Variants in CPT2 observed in about 807,000 individuals in gnomAD.
The protein encoded by CPT2 is carnitine palmitoyltransferase 2, also known as carnitine O-palmitoyltransferase 2, mitochondrial.
A neutral mutation model predicts 48.6 loss-of-function variants in CPT2; 37 were observed. That is an observed-to-expected ratio of 0.76 (90% CI 0.59 to 1.00). CPT2 has a LOEUF of 1.00. CPT2 is among the 50% of genes least tolerant of loss of function. CPT2 has a pLI of 0.00. For missense variants in CPT2, 772 were observed against 825.6 expected, an observed-to-expected ratio of 0.94 and a Z score of 0.80; for synonymous variants, 319 against 326.9, an observed-to-expected ratio of 0.98 and a Z score of 0.26.
At chr1:53,203,111 A>G (rs911837419) in intron 3 of CPT2, 2 of 152,506 alleles carry the variant, frequency 1.3e-5, no homozygotes, top group African/African-American at 4.8e-5. Context: ...TCATCATCTT[A>G]TTTCCCACTT....
chr1:53,211,617 T>G, intron 4 of CPT2: 2 of 415,578 alleles, frequency 4.8e-6, no homozygotes, highest in Non-Finnish European at 8.6e-6. Context: ...TTTTTTTTTT[T>G]TGGAGACAAG....
In CPT2 at chr1:53,213,286, G is replaced by T; in HGVS notation, c.1668G>T (p.Leu556Phe). The change falls in exon 5 of 5, where the codon TTG becomes TTT. Residue 556 changes from leucine to phenylalanine, a missense_variant. Physicochemically the swap from Leu to Phe is conservative, Grantham distance 22. Transcript: ENST00000371486. ...CAGGCCAGGGCTTTGACCGACACTTGTTTGCTCTGCGGCATCTGGCAGCAG... is the reference window on the plus strand; with the variant it reads ...CAGGCCAGGGCTTTGACCGACACTTTTTTGCTCTGCGGCATCTGGCAGCAG... The part of the protein sequence containing the change: ...AAMGQGFDRH[L>F]FALRHLAAAK... The T allele has an allele frequency of 6.2e-7, 1 of 1,614,174 alleles. No homozygotes were observed. The highest frequency in any genetic ancestry group is 1.6e-4 in the Middle Eastern group (1 of 6,062).
At chr1:53,207,251 T>C (rs970330930) in intron 3 of CPT2, among the ~76,000 whole-genome samples, 5 of 152,144 alleles carry the variant, frequency 3.3e-5, no homozygotes, top group South Asian at 2.1e-4. Context: ...CAGTCTCAGG[T>C]AGTTCTTTAT....
intron 2 of CPT2, 173 bp from the exon 3 acceptor site, chr1:53,202,150 T>G (rs1645357368): frequency 3.2e-6 from 2 of 616,450 alleles, no homozygotes; most frequent in Admixed American, 5.2e-5. Flanking sequence ...GTAGTCTAGA[T>G]TATCAATTTT....
At chr1:53,202,261 T>C in intron 2 of CPT2, 62 bp from the exon 3 acceptor site, 1 of 1,366,970 alleles carries the variant, frequency 7.3e-7, no homozygotes, top group South Asian at 1.2e-5. Context: ...TTCCTCGCCA[T>C]GAACCTAAAA....
chr1:53,205,093 C>T (rs1313160644), intron 3 of CPT2, among the ~76,000 whole-genome samples: 1 of 152,144 alleles, frequency 6.6e-6, no homozygotes, highest in Non-Finnish European at 1.5e-5. Flanking sequence ...GAGGTTGGAA[C>T]AGTTTGGAGG....
chr1:53,204,949 A>C (rs965073299), intron 3 of CPT2, among the ~76,000 whole-genome samples: 1 of 152,306 alleles, frequency 6.6e-6, no homozygotes. Context: ...TTTTCTTTAT[A>C]AATTACCCAG....
rs755060321 is a variant in CPT2 at position 53,213,457 on chromosome 1, G to T, written c.1839G>T (p.Gly613=). ...TGGTCTCTGATGGCTTTGGTGTTGG[G>T]TATGCTGTTCATGACAACTGGATAG... The part of the protein sequence containing the change: ...APVVSDGFGV[G]YAVHDNWIGC... The change falls in exon 5 of 5, where the codon GGG becomes GGT. Residue 613 remains glycine (G), a synonymous_variant. Transcript: ENST00000371486. 32 of 1,614,134 alleles carry T rather than the reference G, an allele frequency of 2.0e-5. No homozygotes were observed. The Admixed American group carries it at 2.5e-4, about 13-fold the overall frequency.
chr1:53,202,850 T>C (rs892227171), intron 3 of CPT2: 1 of 223,564 alleles, frequency 4.5e-6, no homozygotes, highest in African/African-American at 2.3e-5. Flanking sequence ...TTCATTCTTT[T>C]GTGCCTTTAT....
At chr1:53,205,272 T>A (rs1452606489) in intron 3 of CPT2, among the ~76,000 whole-genome samples, 1 of 152,198 alleles carries the variant, frequency 6.6e-6, no homozygotes, top group Non-Finnish European at 1.5e-5. Flanking sequence ...TCTACTGTGC[T>A]TTAGCAGAGA....
At chr1:53,203,082 A>AG (rs1645364373) in intron 3 of CPT2, 1 of 152,382 alleles carries the variant, frequency 6.6e-6, no homozygotes, top group Admixed American at 6.5e-5. Context: ...AAGGCTTGTT[A>AG]GGAAAAACAG....
chr1:53,200,301 G>T lies in CPT2; in HGVS notation c.153-418G>T, dbSNP rs1645346690. ...TAATTATTTGTTGTAAAATGCAGAA[G>T]AAAATTTAAAAAATAGAACCTTTTC... On this transcript the variant is annotated intron_variant, in intron 1 of 4. Coordinates refer to ENST00000371486, the MANE Select transcript of CPT2 (RefSeq NM_000098.3). 17 of 184,504 alleles carry T rather than the reference G, an allele frequency of 9.2e-5. 1 individual carries two copies. The South Asian group carries it at 1.7e-3, about 19-fold the overall frequency. 11.4% of individuals were successfully genotyped at this position (184,504 alleles called of 1,614,324 possible).
In CPT2 at chr1:53,211,137, C is replaced by T; in HGVS notation, c.1463C>T (p.Ser488Phe). Reference sequence around the variant, plus strand: ...GGGCAGACAGTGGCCACCTACGAGTCCTGTAGCACTGCCGCATTCAAGCAC... The same window carrying T: ...GGGCAGACAGTGGCCACCTACGAGTTCTGTAGCACTGCCGCATTCAAGCAC... ...QYGQTVATYESCSTAAFKHGR... is the reference protein window; with the variant it reads ...QYGQTVATYEFCSTAAFKHGR... The change falls in exon 4 of 5, where the codon TCC (serine) becomes TTC (phenylalanine). Residue 488 changes from serine (S) to phenylalanine (F), a missense_variant. Ser to Phe is a radical substitution (Grantham distance 155). Transcript: ENST00000371486. The T allele has an allele frequency of 1.2e-6, 2 of 1,613,372 alleles. No individual in the cohort carries two copies. Among genetic ancestry groups the T allele is most frequent in the African/African-American group, 2.7e-5 (2 of 75,030 alleles).
chr1:53,197,020 G>T lies in CPT2; in HGVS notation c.77G>T (p.Ser26Ile). The T allele has an allele frequency of 2.0e-6, 3 of 1,535,696 alleles. No individual in the cohort carries two copies. Among genetic ancestry groups the T allele is most frequent in the Non-Finnish European group, 2.6e-6 (3 of 1,145,260 alleles). The stretch of plus-strand genomic sequence containing the variant: ...CCGGGAGCCCCCAGTCGGCCCCTCA[G>T]CGCCGGCTCCGGGCCCGGCCAGTAC... ...VGPGAPSRPLSAGSGPGQYLQ... is the reference protein window; with the variant it reads ...VGPGAPSRPLIAGSGPGQYLQ... Residue 26 changes from serine (S) to isoleucine (I), a missense_variant, in exon 1 of 5, where the codon AGC becomes ATC. Ser to Ile is a moderately radical substitution (Grantham distance 142). Coordinates refer to ENST00000371486, the MANE Select transcript of CPT2 (RefSeq NM_000098.3).
In CPT2 at chr1:53,211,183, C is replaced by T. The variant is rs1572385867; in HGVS notation, c.1509C>T (p.Arg503=). The change falls in exon 4 of 5, where the codon CGC becomes CGT. Residue 503 remains arginine (R), a synonymous_variant. Transcript: ENST00000371486. ...AGCACGGCCGCACTGAGACCATCCG[C>T]CCGGCCTCCGTCTATACAAAGAGGT... ...AFKHGRTETI[R]PASVYTKRCS... 1 of 1,608,616 alleles carries T rather than the reference C, an allele frequency of 6.2e-7. No individual in the cohort carries two copies.
chr1:53,205,953 C>T (rs572064068), intron 3 of CPT2, among the ~76,000 whole-genome samples: 20 of 152,178 alleles, frequency 1.3e-4, no homozygotes, highest in East Asian at 1.9e-4. Context: ...GAGGCCAAGG[C>T]GGGTGGATCA....
chr1:53,197,150 ACCTG>A, intron 1 of CPT2, 55 bp downstream of exon 1: 1 of 1,532,972 alleles, frequency 6.5e-7, no homozygotes, highest in South Asian at 1.2e-5. Flanking sequence ...ATCGGCCCCA[ACCTG>A]ACTGCAGTCA....
intron 3 of CPT2, among the ~76,000 whole-genome samples, chr1:53,207,169 T>C (rs1557715931): frequency 6.6e-6 from 1 of 152,234 alleles, no homozygotes; most frequent in Non-Finnish European, 1.5e-5. Context: ...TCCACCATGA[T>C]TGTAAGTTTC....
intron 4 of CPT2, 92 bp from the exon 5 acceptor site, chr1:53,213,172 T>G: frequency 2.4e-6 from 3 of 1,251,554 alleles, no homozygotes; most frequent in Non-Finnish European, 3.5e-6. Context: ...AAGGATGCTG[T>G]GAGGGGTATT....
Sources: allele counts gnomAD v4.1 joint callset (sites outside exome capture counted in the v4.1 genomes callset), GRCh38; gene constraint gnomAD v4.1.1; transcripts MANE v1.5; gene names NCBI Gene and HGNC (gene_info 2026-07-23, HGNC 2026-07-21).